Variants in OSMR observed in about 807,000 individuals in gnomAD.
The protein encoded by OSMR is oncostatin-M-specific receptor subunit beta.
In OSMR, 81 loss-of-function variants were observed where a neutral mutation model predicts 99.9. The observed-to-expected ratio is 0.81, with a 90% CI of 0.68 to 0.97. The LOEUF (loss-of-function observed/expected upper bound fraction) is 0.97, where lower values mean the gene tolerates loss of function less well. Among genes scored for constraint, OSMR ranks in the 50% least tolerant of loss-of-function variants. OSMR has a pLI of 0.00. For missense variants in OSMR, 1,099 were observed against 1,153.4 expected (o/e 0.95, Z 0.68); for synonymous variants, 406 against 410.4 (o/e 0.99, Z 0.13).
At chr5:38,901,056 A>T (rs923528517) in intron 7 of OSMR, among the ~76,000 whole-genome samples, 3 of 152,232 alleles carry the variant, frequency 2.0e-5, no homozygotes, top group African/African-American at 7.2e-5. Context: ...GCAATGGCCC[A>T]TGAGTCTGTG....
At chr5:38,909,875 C>T (rs932940949) in intron 9 of OSMR, among the ~76,000 whole-genome samples, 4 of 152,094 alleles carry the variant, frequency 2.6e-5, no homozygotes, top group Non-Finnish European at 4.4e-5. Flanking sequence ...CCACACATAC[C>T]AGTATTAAAC....
downstream of OSMR, chr5:38,945,256 G>GGGCT (rs1158761832): frequency 8.1e-6 from 5 of 618,382 alleles, no homozygotes; most frequent in South Asian, 1.0e-4. Flanking sequence ...GGCCTGGACA[G>GGGCT]GGCTGTTCAC....
chr5:38,905,266 G>A (rs1014811502), intron 9 of OSMR, among the ~76,000 whole-genome samples: 3 of 152,106 alleles, frequency 2.0e-5, no homozygotes, highest in Non-Finnish European at 4.4e-5. Flanking sequence ...CGAGGAAGGT[G>A]GATCACGTGG....
In OSMR at chr5:38,863,548, A is replaced by T. The variant is rs527671715; in HGVS notation, c.-13-5484A>T. 3.9e-5 allele frequency among the ~76,000 whole-genome samples: 6 copies of T among 152,284 alleles called. No homozygotes were observed. The East Asian group carries it at 1.2e-3, about 29-fold the overall frequency. On this transcript the variant is annotated intron_variant, in intron 1 of 17. Coordinates refer to ENST00000274276, the MANE Select transcript of OSMR (RefSeq NM_003999.3). ...AAGACTTTGTTTCAAAGAAAAAAAA[A>T]TTAGTTGAGACTTGTTTTGTGGTCT... is the stretch of plus-strand genomic sequence containing the variant.
intron 1 of OSMR, chr5:38,944,085 ATTAAT>A: frequency 2.7e-6 from 1 of 371,230 alleles, no homozygotes; most frequent in South Asian, 2.1e-5. Flanking sequence ...CCTAACATGC[ATTAAT>A]TTATTTTAAA....
Position 38,924,447 on chromosome 5 carries a change from G to C in OSMR, c.1896G>C (p.Leu632=). 6.2e-7 allele frequency: 1 copy of C among 1,614,058 alleles called. No homozygotes were observed. The highest frequency in any genetic ancestry group is 8.5e-7 in the Non-Finnish European group (1 of 1,179,974). Residue 632 remains leucine (L), a synonymous_variant, in exon 14 of 18, where the codon CTG becomes CTC. Transcript: ENST00000274276. ...CTCCTTCAGACAACCCTCACGTGCT[G>C]GTGGATACATTGACATCCCACTCCT... ...ELAPSDNPHV[L]VDTLTSHSFT... is the part of the protein sequence containing the mutation.
chr5:38,883,088 C>T (rs1743422261), intron 4 of OSMR, among the ~76,000 whole-genome samples: 4 of 152,012 alleles, frequency 2.6e-5, no homozygotes, highest in South Asian at 2.1e-4. Flanking sequence ...CTGAGGTGGG[C>T]GGATTGCCTG....
At chr5:38,904,698 T>A (rs1745117860) in intron 9 of OSMR, among the ~76,000 whole-genome samples, 195 bp downstream of exon 9, 1 of 152,234 alleles carries the variant, frequency 6.6e-6, no homozygotes, top group South Asian at 2.1e-4. Flanking sequence ...TTGACAGTAG[T>A]ATTTTATTTA....
At chr5:38,853,068 T>C (rs543806439) in intron 1 of OSMR, among the ~76,000 whole-genome samples, 1 of 152,318 alleles carries the variant, frequency 6.6e-6, no homozygotes, top group South Asian at 2.1e-4. Flanking sequence ...TGTTTCAATG[T>C]TTGTTAATCA....
At chr5:38,941,512 A>ACTTTCATCATATATT (rs1032399455) in intron 1 of OSMR, 1 of 231,434 alleles carries the variant, frequency 4.3e-6, no homozygotes, top group African/African-American at 2.2e-5. Flanking sequence ...GTGGAAGTCC[A>ACTTTCATCATATATT]TTGCAAATAT....
intron 2 of OSMR, among the ~76,000 whole-genome samples, chr5:38,873,979 C>T (rs1742604779): frequency 6.6e-6 from 1 of 152,066 alleles, no homozygotes; most frequent in Non-Finnish European, 1.5e-5. Context: ...ACTACACGTG[C>T]CATGACACCC....
chr5:38,911,651 C>CA (rs1417219001), intron 9 of OSMR, among the ~76,000 whole-genome samples: 1 of 152,078 alleles, frequency 6.6e-6, no homozygotes, highest in African/African-American at 2.4e-5. Context: ...AACATAGATG[C>CA]AAAAATCCTC....
chr5:38,921,569 TAC>T, intron 11 of OSMR, 44 bp from the exon 12 acceptor site: 2 of 1,613,142 alleles, frequency 1.2e-6, no homozygotes, highest in Non-Finnish European at 1.7e-6. Context: ...TAAAACAATT[TAC>T]AGTTAATTAA....
At chr5:38,871,703 A>AT (rs1742398541) in intron 2 of OSMR, among the ~76,000 whole-genome samples, 1 of 152,216 alleles carries the variant, frequency 6.6e-6, no homozygotes, top group Non-Finnish European at 1.5e-5. Flanking sequence ...AGATAGGGAG[A>AT]TGAATACATA....
intron 1 of OSMR, among the ~76,000 whole-genome samples, chr5:38,853,537 C>T (rs981620028): frequency 6.6e-6 from 1 of 152,140 alleles, no homozygotes; most frequent in Non-Finnish European, 1.5e-5. Context: ...CACAAGTCTG[C>T]GTGCTATTGT....
intron 15 of OSMR, among the ~76,000 whole-genome samples, chr5:38,928,331 G>C (rs1342640137): frequency 6.6e-6 from 1 of 152,040 alleles, no homozygotes; most frequent in African/African-American, 2.4e-5. Context: ...CCAATTTACT[G>C]TATCAGCCCA....
chr5:38,888,940 A>G (rs1348231930), intron 7 of OSMR, among the ~76,000 whole-genome samples: 2 of 152,170 alleles, frequency 1.3e-5, no homozygotes, highest in Non-Finnish European at 2.9e-5. Flanking sequence ...TTGAATAGAT[A>G]TAAAATTTTT....
Position 38,869,102 on chromosome 5 carries a change from A to G in OSMR, c.58A>G (p.Thr20Ala). Residue 20 changes from threonine (T) to alanine (A), a missense_variant, in exon 2 of 18, where the codon ACT (threonine) becomes GCT (alanine). Physicochemically the swap from Thr to Ala is moderately conservative, Grantham distance 58. Coordinates refer to ENST00000274276, the MANE Select transcript of OSMR (RefSeq NM_003999.3). ...CTTCTTAACATTGCTGTCCTTGAGGACTTACCAGAGTGAAGGTAAGAAGTG... is the reference window on the plus strand; with the variant it reads ...CTTCTTAACATTGCTGTCCTTGAGGGCTTACCAGAGTGAAGGTAAGAAGTG... ...TFFLTLLSLRTYQSEVLAERL... is the reference protein window; with the variant it reads ...TFFLTLLSLRAYQSEVLAERL... The G allele has an allele frequency of 3.1e-6, 5 of 1,611,838 alleles. No homozygotes were observed. Among genetic ancestry groups the G allele is most frequent in the Non-Finnish European group, 4.2e-6 (5 of 1,177,904 alleles).
At chr5:38,848,044 A>G (rs1740018744) in intron 1 of OSMR, among the ~76,000 whole-genome samples, 1 of 152,198 alleles carries the variant, frequency 6.6e-6, no homozygotes, top group Admixed American at 6.5e-5. Context: ...AAACCGAATC[A>G]GGAGAACTGT....
Sources: gnomAD v4.1 joint callset for allele counts (sites outside exome capture counted in the v4.1 genomes callset) on GRCh38, gnomAD v4.1.1 for gene constraint, MANE v1.5 for transcripts, NCBI Gene and HGNC (gene_info 2026-07-23, HGNC 2026-07-21) for gene names.